PDS5B: variants seen among roughly 807,000 people sequenced by gnomAD.
PDS5B encodes the protein sister chromatid cohesion protein PDS5 homolog B.
In PDS5B, 51 loss-of-function variants were observed where a neutral mutation model predicts 184.1. That is an observed-to-expected ratio of 0.28 (90% confidence interval 0.22 to 0.35). The LOEUF (loss-of-function observed/expected upper bound fraction) is 0.35, where lower values mean the gene tolerates loss of function less well. PDS5B is among the 10% of genes least tolerant of loss of function. The pLI is 1.00. For synonymous variants in PDS5B, 566 were observed against 569.2 expected (o/e 0.99, Z 0.08); for missense variants, 1,180 against 1,723.3 (o/e 0.68, Z 5.58).
intron 7 of PDS5B, among the ~76,000 whole-genome samples, chr13:32,669,798 T>C (rs1451416956): frequency 6.6e-6 from 1 of 152,208 alleles, no homozygotes; most frequent in Non-Finnish European, 1.5e-5. Context: ...CTCCCTGTTT[T>C]CTTGTTCCTT....
intron 1 of PDS5B, among the ~76,000 whole-genome samples, chr13:32,641,997 A>G (rs1207359915): frequency 6.6e-6 from 1 of 152,170 alleles, no homozygotes; most frequent in African/African-American, 2.4e-5. Context: ...CAAATTCTCA[A>G]TAAATATTTA....
rs528726962 is a variant in PDS5B at position 32,692,876 on chromosome 13, A to AGTC, written c.1470-1345_1470-1344insCGT. Among the ~76,000 whole-genome samples the AGTC allele has an allele frequency of 1.7e-3, 239 of 143,828 alleles. 1 individual carries two copies. The highest frequency in any genetic ancestry group is 2.9e-3 in the Non-Finnish European group (186 of 65,170). The allele number at this position is 143,828 out of a possible 152,430, so 94.4% of individuals were successfully genotyped here. On this transcript the variant is annotated intron_variant, in intron 13 of 34. Coordinates refer to ENST00000315596, the MANE Select transcript of PDS5B (RefSeq NM_015032.4). ...GTTCCTATAAACATGTTATAATACA[A>AGTC]GTTCTTAGAGATGGTCACTTTTTTA...
At chr13:32,772,444 A>C (rs1566435065) in intron 33 of PDS5B, among the ~76,000 whole-genome samples, 1 of 152,122 alleles carries the variant, frequency 6.6e-6, no homozygotes, top group Non-Finnish European at 1.5e-5. Context: ...CAATGAGTTG[A>C]TATCTTGAGA....
chr13:32,748,728 T>TA (rs371097708), intron 24 of PDS5B, among the ~76,000 whole-genome samples: 312 of 152,180 alleles, frequency 2.1e-3, no homozygotes, highest in African/African-American at 7.4e-3. Context: ...AAGTGTTAAA[T>TA]ATAGTAGTTC....
intron 19 of PDS5B, among the ~76,000 whole-genome samples, chr13:32,730,328 A>G (rs971449073): frequency 1.3e-5 from 2 of 152,164 alleles, no homozygotes; most frequent in Admixed American, 6.5e-5. Flanking sequence ...TGCCAGTACC[A>G]TGCTTTTTTG....
At chr13:32,757,196 ACTT>A (rs1954213161) in intron 26 of PDS5B, among the ~76,000 whole-genome samples, 1 of 152,030 alleles carries the variant, frequency 6.6e-6, no homozygotes, top group East Asian at 1.9e-4. Flanking sequence ...ACTGTTGAAA[ACTT>A]CTAGCCACTT....
intron 21 of PDS5B, 44 bp from the exon 22 acceptor site, chr13:32,741,036 A>G: frequency 1.8e-6 from 2 of 1,085,480 alleles, no homozygotes; most frequent in Non-Finnish European, 2.8e-6. Flanking sequence ...TCATATTTAC[A>G]TTTTAAAGTC....
At chr13:32,628,980 G>A (rs1272823456) in intron 1 of PDS5B, among the ~76,000 whole-genome samples, 4 of 152,150 alleles carry the variant, frequency 2.6e-5, no homozygotes, top group African/African-American at 9.7e-5. Flanking sequence ...AAGGGAATGT[G>A]TCATTAAAAT....
chr13:32,598,722 G>A (rs980063162), intron 1 of PDS5B, among the ~76,000 whole-genome samples: 21 of 149,832 alleles, frequency 1.4e-4, no homozygotes, highest in Non-Finnish European at 3.1e-4. Context: ...ATTTTTCAAG[G>A]ATATTTTTGC....
intron 1 of PDS5B, among the ~76,000 whole-genome samples, chr13:32,596,059 A>C (rs1315224615): frequency 6.6e-6 from 1 of 152,192 alleles, no homozygotes. Context: ...AGAAATATAA[A>C]ATTTTATTTT....
At chr13:32,601,127 T>C (rs573723271) in intron 1 of PDS5B, among the ~76,000 whole-genome samples, 1 of 152,286 alleles carries the variant, frequency 6.6e-6, no homozygotes, top group South Asian at 2.1e-4. Flanking sequence ...TCCTCCACTA[T>C]ACTTCCCCTT....
intron 30 of PDS5B, among the ~76,000 whole-genome samples, chr13:32,761,208 A>C (rs1474961101): frequency 6.6e-6 from 1 of 152,230 alleles, no homozygotes; most frequent in Non-Finnish European, 1.5e-5. Flanking sequence ...AATATGCAAA[A>C]TCTTAACAGT....
chr13:32,609,398 G>T (rs758128720), intron 1 of PDS5B, among the ~76,000 whole-genome samples: 2 of 151,926 alleles, frequency 1.3e-5, no homozygotes, highest in Non-Finnish European at 1.5e-5. Context: ...TCTTACTTCT[G>T]CATCAAGTTA....
chr13:32,721,772 G>C (rs892646178), intron 19 of PDS5B, among the ~76,000 whole-genome samples: 2 of 151,796 alleles, frequency 1.3e-5, no homozygotes, highest in Non-Finnish European at 2.9e-5. Flanking sequence ...TGGCCTGGCA[G>C]AGGGGCTCCT....
At chr13:32,602,653 A>G (rs1402180385) in intron 1 of PDS5B, among the ~76,000 whole-genome samples, 2 of 152,140 alleles carry the variant, frequency 1.3e-5, no homozygotes, top group Non-Finnish European at 2.9e-5. Context: ...CTAGTTCTAG[A>G]TCCTTGAGGA....
intron 31 of PDS5B, among the ~76,000 whole-genome samples, chr13:32,765,162 TAC>T (rs1243532040): frequency 6.6e-6 from 1 of 152,212 alleles, no homozygotes; most frequent in African/African-American, 2.4e-5. Flanking sequence ...AGACACAAAA[TAC>T]AGTTATGTCT....
intron 26 of PDS5B, 42 bp downstream of exon 26, chr13:32,755,998 AT>A: frequency 1.1e-6 from 1 of 941,694 alleles, no homozygotes; most frequent in Non-Finnish European, 1.7e-6. Flanking sequence ...TCTGAAAGTT[AT>A]TTTTTCTCCT....
At chr13:32,696,561 C>CG (rs1230128208) in intron 14 of PDS5B, among the ~76,000 whole-genome samples, 1 of 149,096 alleles carries the variant, frequency 6.7e-6, no homozygotes, top group Non-Finnish European at 1.5e-5. Context: ...AAAAAAAAAA[C>CG]AAAACCCCAA....
At chr13:32,592,177 TCTC>T (rs1482247704) in intron 1 of PDS5B, among the ~76,000 whole-genome samples, 4 of 152,204 alleles carry the variant, frequency 2.6e-5, no homozygotes, top group African/African-American at 7.2e-5. Flanking sequence ...CATTTGGTTT[TCTC>T]CTCTTTTCCT....
Sources: allele counts gnomAD v4.1 joint callset (sites outside exome capture counted in the v4.1 genomes callset), GRCh38; gene constraint gnomAD v4.1.1; transcripts MANE v1.5; gene names NCBI Gene and HGNC (gene_info 2026-07-23, HGNC 2026-07-21).